The following CFAP57 variants were observed in gnomAD, a reference collection of about 807,000 sequenced individuals.
The protein encoded by CFAP57 is cilia- and flagella-associated protein 57.
In CFAP57, 116 loss-of-function variants were observed where a neutral mutation model predicts 146.8. The ratio of observed to expected loss-of-function variants is 0.79; its 90% CI spans 0.68 to 0.92. The LOEUF (loss-of-function observed/expected upper bound fraction) is 0.92, where lower values mean the gene tolerates loss of function less well. CFAP57 is among the 40% of genes least tolerant of loss of function. CFAP57 has a pLI of 0.00. For synonymous variants in CFAP57, 518 were observed against 552.8 expected (o/e 0.94, Z 0.88); for missense variants, 1,377 against 1,527.2 (o/e 0.90, Z 1.64).
intron 21 of CFAP57, among the ~76,000 whole-genome samples, chr1:43,236,254 G>A (rs544081829): frequency 1.3e-5 from 2 of 152,084 alleles, no homozygotes; most frequent in East Asian, 1.9e-4. Flanking sequence ...GGCCCAGGGT[G>A]GGGGGTGTGT....
intron 11 of CFAP57, among the ~76,000 whole-genome samples, chr1:43,212,929 C>G (rs1301258878): frequency 1.4e-5 from 1 of 69,796 alleles, no homozygotes; most frequent in Non-Finnish European, 3.0e-5. Flanking sequence ...ATAGCAGACT[C>G]TATCTCAAAA....
intron 16 of CFAP57, among the ~76,000 whole-genome samples, chr1:43,223,802 T>G (rs1254929758): frequency 6.6e-6 from 1 of 152,172 alleles, no homozygotes; most frequent in African/African-American, 2.4e-5. Flanking sequence ...AGTCCTCTCA[T>G]ATGGAGAATG....
At chr1:43,241,699 C>A (rs1328786914) in intron 21 of CFAP57, among the ~76,000 whole-genome samples, 2 of 152,276 alleles carry the variant, frequency 1.3e-5, no homozygotes, top group South Asian at 2.1e-4. Flanking sequence ...GGCCTGCAGA[C>A]CAGCAGCAGC....
intron 6 of CFAP57, among the ~76,000 whole-genome samples, chr1:43,188,270 T>C (rs1337204600): frequency 1.3e-5 from 2 of 152,192 alleles, no homozygotes; most frequent in Non-Finnish European, 2.9e-5. Flanking sequence ...AACTAGTTTT[T>C]ATGTGGATGG....
chr1:43,236,341 T>C (rs1239448347), intron 21 of CFAP57, among the ~76,000 whole-genome samples: 1 of 151,832 alleles, frequency 6.6e-6, no homozygotes, highest in Non-Finnish European at 1.5e-5. Context: ...TGGAGCTCTT[T>C]TTGTTGGAAA....
At chr1:43,239,618 G>T (rs757831893) in intron 21 of CFAP57, among the ~76,000 whole-genome samples, 1 of 152,220 alleles carries the variant, frequency 6.6e-6, no homozygotes, top group East Asian at 1.9e-4. Flanking sequence ...GGATGGAGAT[G>T]ACCAAAAAGA....
chr1:43,195,791 C>T (rs1004804580), intron 6 of CFAP57, among the ~76,000 whole-genome samples: 1 of 152,112 alleles, frequency 6.6e-6, no homozygotes, highest in Non-Finnish European at 1.5e-5. Context: ...ATATAAAACA[C>T]ATATGTATAT....
chr1:43,219,271 T>C, intron 12 of CFAP57, 111 bp from the exon 13 acceptor site: 4 of 1,162,356 alleles, frequency 3.4e-6, no homozygotes, highest in East Asian at 2.6e-5. Flanking sequence ...TTGAGACACA[T>C]TGAGTTTGAA....
chr1:43,206,673 G>A, intron 9 of CFAP57, 47 bp from the exon 10 acceptor site: 2 of 1,594,962 alleles, frequency 1.3e-6, no homozygotes, highest in Non-Finnish European at 1.7e-6. Flanking sequence ...GTGTTAGGGT[G>A]TAAGTGTGTG....
chr1:43,250,743 A>C (rs908271021), intron 22 of CFAP57, among the ~76,000 whole-genome samples: 21 of 152,158 alleles, frequency 1.4e-4, no homozygotes, highest in African/African-American at 5.1e-4. Context: ...GAATTTCCCA[A>C]ATTGAGAGGA....
chr1:43,221,731 G>A (rs925915382), intron 14 of CFAP57, among the ~76,000 whole-genome samples: 1 of 152,174 alleles, frequency 6.6e-6, no homozygotes, highest in South Asian at 2.1e-4. Flanking sequence ...TGGGTCCCAG[G>A]CTCACCACGT....
At position 43,254,089 on chromosome 1, in the gene CFAP57, G is replaced by A; in HGVS notation, c.3651G>A (p.Gln1217=). ...TAGAAATCCAGCGCCTCAGAGACCA[G>A]ATCCAAGAGCAAGAGCAGGTCACAG... ...QRLEIQRLRD[Q]IQEQEQVTGF... Residue 1217 remains glutamine (Q), a synonymous_variant, in exon 23 of 23, where the codon CAG becomes CAA. Coordinates refer to ENST00000372492, the MANE Select transcript of CFAP57 (RefSeq NM_001378189.1). 1 of 1,550,676 alleles carries A rather than the reference G, an allele frequency of 6.4e-7. No homozygotes were observed. Among genetic ancestry groups the A allele is most frequent in the Non-Finnish European group, 8.7e-7 (1 of 1,147,024 alleles).
chr1:43,227,630 C>T (rs912977151), intron 18 of CFAP57, among the ~76,000 whole-genome samples: 5 of 152,124 alleles, frequency 3.3e-5, no homozygotes, highest in African/African-American at 1.2e-4. Context: ...GGGAAGCAAA[C>T]AGGATGAAGG....
Position 43,215,433 on chromosome 1 carries a change from A to G in CFAP57, c.2091+17A>G, listed in dbSNP as rs754629926. 57 of 1,548,160 alleles carry G rather than the reference A, an allele frequency of 3.7e-5. 2 individuals carry two copies. The South Asian group carries it at 5.7e-4, about 16-fold the overall frequency. On this transcript the variant is annotated intron_variant, in intron 12 of 22. Transcript: ENST00000372492. ...GAAGAAAAGGTAAGAACTGGATCTA[A>G]TGAAGAGGGATATGGAATTACTTAC...
intron 2 of CFAP57, among the ~76,000 whole-genome samples, chr1:43,178,313 C>T (rs1287664853): frequency 1.3e-5 from 2 of 152,168 alleles, no homozygotes; most frequent in Non-Finnish European, 2.9e-5. Flanking sequence ...TAAAGAGCTT[C>T]TGCACAGCAA....
At chr1:43,173,254 C>A (rs1183106978) in intron 2 of CFAP57, among the ~76,000 whole-genome samples, 2 of 152,224 alleles carry the variant, frequency 1.3e-5, no homozygotes, top group Non-Finnish European at 2.9e-5. Context: ...GAGCACACCA[C>A]CTTCATTATA....
intron 22 of CFAP57, among the ~76,000 whole-genome samples, chr1:43,243,780 A>C (rs1278863138): frequency 6.6e-6 from 1 of 152,240 alleles, no homozygotes; most frequent in Non-Finnish European, 1.5e-5. Flanking sequence ...AGAATAGTGA[A>C]TAAGGGATTG....
At chr1:43,196,781 G>A (rs76228478) in intron 6 of CFAP57, among the ~76,000 whole-genome samples, 3,656 of 152,190 alleles carry the variant, frequency 0.024, 42 homozygotes, top group Middle Eastern at 0.034. Context: ...GATAATTAGT[G>A]CAGTCTCTCC....
intron 11 of CFAP57, among the ~76,000 whole-genome samples, chr1:43,213,196 T>G (rs1644695985): frequency 6.6e-6 from 1 of 152,170 alleles, no homozygotes. Flanking sequence ...CAAGCGATTC[T>G]TCCACCTCAG....
Sources: gnomAD v4.1 joint callset for allele counts (sites outside exome capture counted in the v4.1 genomes callset) on GRCh38, gnomAD v4.1.1 for gene constraint, MANE v1.5 for transcripts, NCBI Gene and HGNC (gene_info 2026-07-23, HGNC 2026-07-21) for gene names.